The following SPSB1 variants were observed in gnomAD, a reference collection of about 807,000 sequenced individuals.
SPSB1 encodes the protein SPRY domain-containing SOCS box protein 1.
In SPSB1, 8 loss-of-function variants were observed where a neutral mutation model predicts 21.2. The ratio of observed to expected loss-of-function variants is 0.38; its 90% CI spans 0.22 to 0.68. SPSB1 has a LOEUF of 0.68. Ranked by LOEUF, SPSB1 falls within the 30% of genes least tolerant of loss-of-function variation. The pLI, the probability that SPSB1 is intolerant of heterozygous loss-of-function variation, is 0.53. For missense variants in SPSB1, 242 were observed against 377.8 expected, an observed-to-expected ratio of 0.64 and a Z score of 2.98; for synonymous variants, 169 against 161.7, an observed-to-expected ratio of 1.05 and a Z score of -0.34.
At chr1:9,336,586 C>A (rs1416084739) in intron 1 of SPSB1, among the ~76,000 whole-genome samples, 1 of 152,176 alleles carries the variant, frequency 6.6e-6, no homozygotes, top group Non-Finnish European at 1.5e-5. Context: ...AGTGGGGGAT[C>A]CTCTGCCCGC....
intron 1 of SPSB1, among the ~76,000 whole-genome samples, chr1:9,325,225 A>ACCCCCCCCCCCCCCCCCCC (rs33978312): frequency 7.5e-6 from 1 of 133,712 alleles, no homozygotes; most frequent in Non-Finnish European, 1.5e-5. Flanking sequence ...TCCCACCACC[A>ACCCCCCCCCCCCCCCCCCC]CCCCCCCCCC....
intron 1 of SPSB1, among the ~76,000 whole-genome samples, chr1:9,298,171 T>C (rs1410402637): frequency 1.3e-5 from 2 of 152,188 alleles, no homozygotes; most frequent in Non-Finnish European, 2.9e-5. Context: ...AGAAGTGAAA[T>C]AGACAGGAAA....
At chr1:9,342,797 A>T (rs902712979) in intron 1 of SPSB1, among the ~76,000 whole-genome samples, 2 of 152,308 alleles carry the variant, frequency 1.3e-5, no homozygotes, top group African/African-American at 4.8e-5. Context: ...ACAGCCCTGC[A>T]CTTTTTCCTT....
At chr1:9,366,853 C>T (rs192921640) in intron 2 of SPSB1, among the ~76,000 whole-genome samples, 46 of 152,330 alleles carry the variant, frequency 3.0e-4, no homozygotes, top group Admixed American at 1.5e-3. Context: ...GGATTACCAG[C>T]GTGAACCACC....
chr1:9,302,878 G>A (rs1007078657), intron 1 of SPSB1, among the ~76,000 whole-genome samples: 4 of 152,164 alleles, frequency 2.6e-5, no homozygotes, highest in Admixed American at 1.3e-4. Context: ...GTGGCACTGC[G>A]CATCATATCC....
rs140636579 is a variant in SPSB1 at position 9,356,014 on chromosome 1, G to A, written c.123G>A (p.Leu41=). Residue 41 remains leucine, a synonymous_variant, in exon 2 of 3, where the codon CTG becomes CTA. Transcript: ENST00000328089. The surrounding 1 kb of genome is among the most constrained non-coding windows in gnomAD (Gnocchi z 7.4). Reference sequence around the variant, plus strand: ...AGCCCACCCGGCTGGATCTGCTACTGGACATGCCCCCTGTGTCCTATGATG... The same window carrying A: ...AGCCCACCCGGCTGGATCTGCTACTAGACATGCCCCCTGTGTCCTATGATG... ...YCKPTRLDLL[L]DMPPVSYDVQ... The A allele has an allele frequency of 2.1e-4, 332 of 1,614,138 alleles. No individual in the cohort carries two copies. Among genetic ancestry groups the A allele is most frequent in the Middle Eastern group, 4.9e-4 (3 of 6,062 alleles).
chr1:9,362,247 C>T (rs888200687), intron 2 of SPSB1, among the ~76,000 whole-genome samples: 6 of 150,584 alleles, frequency 4.0e-5, no homozygotes, highest in Admixed American at 6.6e-5. Flanking sequence ...CTATTCCCCA[C>T]ACCCTCCAGA....
rs140357559 is a variant in SPSB1 at position 9,343,233 on chromosome 1, C to T, written c.-149-12510C>T. Among the ~76,000 whole-genome samples the T allele has an allele frequency of 3.2e-3, 483 of 152,272 alleles. 4 individuals are homozygous for T. The highest frequency in any genetic ancestry group is 0.011 in the African/African-American group (438 of 41,548). ...CTCGAGTCCCAAAACAGTTTCATCA[C>T]CCCTAAAAGAAACCTCTGTCACTTC... On this transcript the variant is annotated intron_variant, in intron 1 of 2. Transcript: ENST00000328089.
intron 1 of SPSB1, among the ~76,000 whole-genome samples, chr1:9,320,209 A>G (rs1445683352): frequency 2.0e-5 from 3 of 152,156 alleles, no homozygotes; most frequent in Non-Finnish European, 4.4e-5. Context: ...ATATTTGCGG[A>G]GCACCCACTG....
At chr1:9,313,754 C>T (rs1459464530) in intron 1 of SPSB1, among the ~76,000 whole-genome samples, 1 of 152,242 alleles carries the variant, frequency 6.6e-6, no homozygotes, top group Admixed American at 6.5e-5. Flanking sequence ...GCCAGTCCAG[C>T]CTGCCCGCTG....
In SPSB1 at chr1:9,368,913, G is replaced by T. The variant is rs537734625; in HGVS notation, c.*1338G>T. ...ATCCCTGGCAACCCCTCCACGTAGC[G>T]TACCCCAGCACCTGCCACCGCCTTT... On this transcript the variant is annotated 3_prime_UTR_variant, in exon 3 of 3. Transcript: ENST00000328089. 1.3e-5 allele frequency: 2 copies of T among 152,510 alleles called. No homozygotes were observed. Among genetic ancestry groups the T allele is most frequent in the Non-Finnish European group, 2.9e-5 (2 of 68,030 alleles). 9.4% of individuals were successfully genotyped at this position (152,510 alleles called of 1,614,324 possible).
At chr1:9,309,322 G>A (rs994469541) in intron 1 of SPSB1, among the ~76,000 whole-genome samples, 10 of 151,214 alleles carry the variant, frequency 6.6e-5, no homozygotes, top group African/African-American at 2.2e-4. Context: ...GTGTGTGTGT[G>A]TGTGTGTGTG....
intron 1 of SPSB1, among the ~76,000 whole-genome samples, chr1:9,308,553 A>T (rs1269642284): frequency 6.6e-6 from 1 of 152,164 alleles, no homozygotes; most frequent in Non-Finnish European, 1.5e-5. Context: ...CATTTAGTTT[A>T]GGGTGTCTCA....
intron 1 of SPSB1, among the ~76,000 whole-genome samples, chr1:9,342,430 G>A (rs528474177): frequency 5.3e-5 from 8 of 152,344 alleles, no homozygotes; most frequent in East Asian, 1.9e-4. Context: ...AGCGTCAACC[G>A]TGGGAGAGCA....
At chr1:9,304,120 T>C (rs1639376382) in intron 1 of SPSB1, among the ~76,000 whole-genome samples, 2 of 152,236 alleles carry the variant, frequency 1.3e-5, no homozygotes, top group Admixed American at 1.3e-4. Flanking sequence ...CCTGGCTCTC[T>C]GTCCCGGAGC....
At chr1:9,332,371 C>T (rs1415132856) in intron 1 of SPSB1, among the ~76,000 whole-genome samples, 1 of 151,982 alleles carries the variant, frequency 6.6e-6, no homozygotes, top group Non-Finnish European at 1.5e-5. Context: ...ATGTGGGAAG[C>T]CAAGAAGAGG....
intron 1 of SPSB1, among the ~76,000 whole-genome samples, chr1:9,306,927 CTTCTT>C (rs1557446052): frequency 1.2e-4 from 4 of 32,744 alleles, no homozygotes; most frequent in African/African-American, 4.6e-4. Context: ...TTCTTCTTTT[CTTCTT>C]TTTTTTTTTT....
intron 1 of SPSB1, among the ~76,000 whole-genome samples, chr1:9,353,915 T>C (rs560585027): frequency 3.6e-5 from 4 of 109,726 alleles, no homozygotes; most frequent in South Asian, 3.0e-4. Flanking sequence ...CAAAACTCCA[T>C]CTCAAAAAAA....
chr1:9,348,937 ATGTGTGTG>A lies in SPSB1; in HGVS notation c.-149-6786_-149-6779del, dbSNP rs76253052. 0.012 allele frequency among the ~76,000 whole-genome samples: 1,756 copies of A among 150,722 alleles called. 37 individuals are homozygous for A. The highest frequency in any genetic ancestry group is 0.039 in the African/African-American group (1,613 of 41,088). The stretch of plus-strand genomic sequence containing the variant: ...GACATCCCCTTTCACTCGTGCAAGA[ATGTGTGTG>A]TGTGTGTGTGTGTGTGTGTATATGT... On this transcript the variant is annotated intron_variant, in intron 1 of 2. Transcript: ENST00000328089. This position sits in a 1 kb window ranked among gnomAD's most constrained non-coding sequence, Gnocchi z 4.8.
Sources: gnomAD v4.1 joint callset for allele counts (sites outside exome capture counted in the v4.1 genomes callset) on GRCh38, gnomAD v4.1.1 for gene constraint, Gnocchi (gnomAD v3.1) non-coding constraint, MANE v1.5 for transcripts, NCBI Gene and HGNC (gene_info 2026-07-23, HGNC 2026-07-21) for gene names.